Variants in CIAO3 observed in about 807,000 individuals in gnomAD.
CIAO3 encodes cytosolic iron-sulfur assembly component 3.
CIAO3 carries 45 observed loss-of-function variants against 51.5 expected under a neutral mutation model. The ratio of observed to expected loss-of-function variants is 0.87; its 90% CI spans 0.69 to 1.12. The LOEUF (loss-of-function observed/expected upper bound fraction) is 1.12, where lower values mean the gene tolerates loss of function less well. Ranked by LOEUF, CIAO3 falls within the 50% of genes most tolerant of loss-of-function variation. The pLI, the probability that CIAO3 is intolerant of heterozygous loss-of-function variation, is 0.00. For missense variants in CIAO3, 668 were observed against 632.5 expected, an observed-to-expected ratio of 1.06 and a Z score of -0.60; for synonymous variants, 314 against 269.3, an observed-to-expected ratio of 1.17 and a Z score of -1.63.
Position 737,443 on chromosome 16 carries a change from T to G in CIAO3, c.163-114A>C, listed in dbSNP as rs1348819318. 2.6e-5 allele frequency: 41 copies of G among 1,570,310 alleles called. No homozygotes were observed. Among genetic ancestry groups the G allele is most frequent in the Non-Finnish European group, 3.4e-5 (39 of 1,158,434 alleles). On this transcript the variant is annotated intron_variant, in intron 2 of 10. Transcript: ENST00000251588. This position sits in a 1 kb window ranked among gnomAD's most constrained non-coding sequence, Gnocchi z 5.3. ...AACCAACATGGCTGCTGGCTGGGCT[T>G]GTGTGCCGCTGAATTTTTAAAAATT... is the stretch of plus-strand genomic sequence containing the variant.
rs2151601207 is a variant in CIAO3, at chr16:733,179, C to T, written c.823+119G>A. On this transcript the variant is annotated intron_variant, in intron 7 of 10. Coordinates refer to ENST00000251588, the MANE Select transcript of CIAO3 (RefSeq NM_022493.3). ...ACGAAGGTACGTGCACGCATGCGAG[C>T]CCCCACACTCCAGCCAGGGCCCCCA... 2.3e-6 allele frequency: 3 copies of T among 1,324,192 alleles called. No individual in the cohort carries two copies. In the South Asian group the frequency reaches 4.1e-5, roughly 18 times the overall value. 82.0% of individuals were successfully genotyped at this position (1,324,192 alleles called of 1,614,324 possible). A position where few individuals can be genotyped will look rare whatever the true frequency, so the allele number is the denominator to read the frequency against.
chr16:736,216 G>A (rs767229530), intron 4 of CIAO3, 50 bp downstream of exon 4: 1 of 1,609,324 alleles, frequency 6.2e-7, no homozygotes, highest in South Asian at 1.1e-5. Context: ...GGCTTACTCA[G>A]ACGCCCCCTT....
At chr16:730,714 C>A in intron 10 of CIAO3, 59 bp from the exon 11 acceptor site, 1 of 1,583,760 alleles carries the variant, frequency 6.3e-7, no homozygotes, top group Non-Finnish European at 8.6e-7. Flanking sequence ...GCTTCCTGAC[C>A]ACCAGGGAGC....
chr16:739,695 C>A lies in CIAO3; in HGVS notation c.110G>T (p.Gly37Val). ...ATCTTCAATGCGAATCTTGGCCACG[C>A]CACTTCCCGCCCTTTTTTCCACTTT... The part of the protein sequence containing the change: ...PVKVEKRAGS[G>V]VAKIRIEDDG... Residue 37 changes from glycine (G) to valine (V), a missense_variant, in exon 2 of 11, where the codon GGC becomes GTC. Gly to Val is a moderately radical substitution (Grantham distance 109). Transcript: ENST00000251588. 6.2e-7 allele frequency: 1 copy of A among 1,614,138 alleles called. No homozygotes were observed. Among genetic ancestry groups the A allele is most frequent in the Non-Finnish European group, 8.5e-7 (1 of 1,180,018 alleles).
Position 737,519 on chromosome 16 carries a change from G to A in CIAO3, c.163-190C>T, listed in dbSNP as rs148830567. 7.5e-5 allele frequency: 114 copies of A among 1,518,658 alleles called. 1 individual carries two copies. The East Asian group carries it at 2.5e-3, about 33-fold the overall frequency. 94.1% of individuals were successfully genotyped at this position (1,518,658 alleles called of 1,614,324 possible). Reference sequence around the variant, plus strand: ...GCACGCTCTACAGTTTCATAATGCCGTCAAGTCTGCTTCTTGGTACCACTT... The same window carrying A: ...GCACGCTCTACAGTTTCATAATGCCATCAAGTCTGCTTCTTGGTACCACTT... On this transcript the variant is annotated intron_variant, in intron 2 of 10. Coordinates refer to ENST00000251588, the MANE Select transcript of CIAO3 (RefSeq NM_022493.3). This position sits in a 1 kb window ranked among gnomAD's most constrained non-coding sequence, Gnocchi z 5.3.
chr16:735,681 C>A (rs1216830848), intron 4 of CIAO3, among the ~76,000 whole-genome samples: 1 of 152,154 alleles, frequency 6.6e-6, no homozygotes, highest in African/African-American at 2.4e-5. Flanking sequence ...CCATGGGGCA[C>A]CTGCCAGTGT....
rs905108079 is a variant in CIAO3, at chr16:729,861, C to T, written c.*556G>A. 17 of 514,748 alleles carry T rather than the reference C, an allele frequency of 3.3e-5. No homozygotes were observed. In the East Asian group the frequency reaches 7.2e-4, roughly 22 times the overall value. 31.9% of individuals were successfully genotyped at this position (514,748 alleles called of 1,614,324 possible). ...ATGCAGCCCGCGATGGCTGCTGCTT[C>T]GTACTTGGCTTGCCCCGGACCACAG... On this transcript the variant is annotated 3_prime_UTR_variant, in exon 11 of 11. Transcript: ENST00000251588.
intron 1 of CIAO3, 189 bp from the exon 2 acceptor site, chr16:739,927 A>G: frequency 7.3e-7 from 1 of 1,370,004 alleles, no homozygotes; most frequent in South Asian, 1.3e-5. Flanking sequence ...TCGGGTTCCC[A>G]ACATCCTGCG....
chr16:736,478 C>G, intron 3 of CIAO3, 80 bp from the exon 4 acceptor site: 1 of 1,571,658 alleles, frequency 6.4e-7, no homozygotes. Flanking sequence ...CGGTGAGATG[C>G]TGTCAGCTGT....
intron 5 of CIAO3, 59 bp from the exon 6 acceptor site, chr16:734,406 A>C: frequency 1.6e-6 from 2 of 1,253,510 alleles, no homozygotes; most frequent in Non-Finnish European, 2.3e-6. Context: ...CCGCACCCAC[A>C]GGCAGCAGCA....
chr16:734,328 C>T lies in CIAO3; in HGVS notation c.594G>A (p.Glu198=), dbSNP rs1421424012. ...SACPGWICYA[E]KTHGSFILPH... ...GGAGGATGAAGCTGCCGTGAGTCTT[C>T]TCGGCATAGCAGATCCAGCCTGAGG... The change falls in exon 6 of 11, where the codon GAG becomes GAA. Residue 198 remains glutamate, a synonymous_variant. Coordinates refer to ENST00000251588, the MANE Select transcript of CIAO3 (RefSeq NM_022493.3). The T allele has an allele frequency of 1.2e-6, 2 of 1,610,880 alleles. No individual in the cohort carries two copies. The highest frequency in any genetic ancestry group is 1.1e-5 in the South Asian group (1 of 91,068).
At chr16:731,029 A>G in intron 9 of CIAO3, 29 bp from the exon 10 acceptor site, 2 of 1,610,266 alleles carry the variant, frequency 1.2e-6, no homozygotes, top group Non-Finnish European at 1.7e-6. Flanking sequence ...GTTTGTCTAC[A>G]TGGCACACCC....
chr16:732,054 T>C, intron 8 of CIAO3: 1 of 533,798 alleles, frequency 1.9e-6, no homozygotes, highest in South Asian at 2.3e-5. Context: ...AATTTTGTAT[T>C]TTTAGTAGAG....
Position 736,328 on chromosome 16 carries a change from G to A in CIAO3, c.377C>T (p.Ala126Val), listed in dbSNP as rs758869136. ...ATCTGTAGGATTCAGCTGAAACCGT[G>A]CAGCCAGCGATGCTCTAGACTGTGG... ...VSPQSRASLA[A>V]RFQLNPTDTA... is the part of the protein sequence containing the mutation. Residue 126 changes from alanine (A) to valine (V), a missense_variant, in exon 4 of 11, where the codon GCA (alanine) becomes GTA (valine). Physicochemically the swap from Ala to Val is moderately conservative, Grantham distance 64. Transcript: ENST00000251588. 1.2e-6 allele frequency: 2 copies of A among 1,612,952 alleles called. No homozygotes were observed. Among genetic ancestry groups the A allele is most frequent in the South Asian group, 2.2e-5 (2 of 91,074 alleles).
chr16:737,111 C>T lies in CIAO3; in HGVS notation c.306+75G>A. 3.8e-6 allele frequency: 6 copies of T among 1,597,388 alleles called. No homozygotes were observed. The highest frequency in any genetic ancestry group is 5.1e-6 in the Non-Finnish European group (6 of 1,167,076). ...GGACGTCGGCACCACACGAGCTGCC[C>T]TTGGCAAAACGCGTTGTCGGCTGCT... On this transcript the variant is annotated intron_variant, in intron 3 of 10. Transcript: ENST00000251588. This position sits in a 1 kb window ranked among gnomAD's most constrained non-coding sequence, Gnocchi z 5.3.
rs2041305052 is a variant in CIAO3, at chr16:733,363, G to A, written c.758C>T (p.Ala253Val). ...CTGGTTGAAAAAGTCGGGTCTGGAG[G>A]CTTCCAGCTTTTTGTCATAGCAGGG... ...VMPCYDKKLE[A>V]SRPDFFNQEH... The change falls in exon 7 of 11, where the codon GCC becomes GTC. Residue 253 changes from alanine to valine, a missense_variant. Coordinates refer to ENST00000251588, the MANE Select transcript of CIAO3 (RefSeq NM_022493.3). 1.2e-6 allele frequency: 2 copies of A among 1,613,896 alleles called. No individual in the cohort carries two copies. The highest frequency in any genetic ancestry group is 1.7e-6 in the Non-Finnish European group (2 of 1,180,000).
At position 733,279 on chromosome 16, in the gene CIAO3, C is replaced by A. The variant is rs1252140434; in HGVS notation, c.823+19G>T. ...GACCAGGAGGCTTGAGGGCTCAGGG[C>A]CGCACGGCGTGACCGCACCTGTTGT... On this transcript the variant is annotated intron_variant, in intron 7 of 10. Coordinates refer to ENST00000251588, the MANE Select transcript of CIAO3 (RefSeq NM_022493.3). 6.2e-7 allele frequency: 1 copy of A among 1,612,188 alleles called. No individual in the cohort carries two copies. The highest frequency in any genetic ancestry group is 1.3e-5 in the African/African-American group (1 of 75,040).
intron 8 of CIAO3, 65 bp downstream of exon 8, chr16:732,236 G>A (rs2151600668): frequency 1.3e-6 from 2 of 1,505,242 alleles, no homozygotes; most frequent in East Asian, 2.3e-5. Flanking sequence ...CAGAGCAGGG[G>A]GATGCTATCC....
chr16:731,007 G>T lies in CIAO3; in HGVS notation c.1035-7C>A, dbSNP rs745942974. The T allele has an allele frequency of 6.2e-7, 1 of 1,612,450 alleles. No homozygotes were observed. Among genetic ancestry groups the T allele is most frequent in the Non-Finnish European group, 8.5e-7 (1 of 1,179,778 alleles). On this transcript the variant is annotated splice_region_variant and splice_polypyrimidine_tract_variant and intron_variant, in intron 9 of 10. Transcript: ENST00000251588. ...CTCCTGGAAGTCTTTGTTCCTGGGGGGCACAGGCGGGGTTTGTCTACATGG... is the reference window on the plus strand; with the variant it reads ...CTCCTGGAAGTCTTTGTTCCTGGGGTGCACAGGCGGGGTTTGTCTACATGG...
Sources: gnomAD v4.1 joint callset for allele counts (sites outside exome capture counted in the v4.1 genomes callset) on GRCh38, gnomAD v4.1.1 for gene constraint, Gnocchi (gnomAD v3.1) non-coding constraint, MANE v1.5 for transcripts, NCBI Gene and HGNC (gene_info 2026-07-23, HGNC 2026-07-21) for gene names.